RABL3: variants seen among roughly 807,000 people sequenced by gnomAD.
RABL3 encodes the protein rab-like protein 3.
In RABL3, 31 loss-of-function variants were observed where a neutral mutation model predicts 31.8. The observed-to-expected ratio is 0.97, with a 90% CI of 0.73 to 1.31. The LOEUF (loss-of-function observed/expected upper bound fraction) is 1.31, where lower values mean the gene tolerates loss of function less well. Ranked by LOEUF, RABL3 falls within the 40% of genes most tolerant of loss-of-function variation. RABL3 has a pLI of 0.00. For missense variants in RABL3, 263 were observed against 279.6 expected (o/e 0.94, Z 0.42); for synonymous variants, 97 against 99.9 (o/e 0.97, Z 0.18).
intron 2 of RABL3, among the ~76,000 whole-genome samples, chr3:120,712,351 T>G (rs1234146530): frequency 6.6e-6 from 1 of 152,152 alleles, no homozygotes; most frequent in African/African-American, 2.4e-5. Context: ...TTTTGTTATA[T>G]GGCAAAAATA....
chr3:120,728,605 T>TGACG lies in RABL3; in HGVS notation c.138+2087_138+2090dup, dbSNP rs1244315109. Among the ~76,000 whole-genome samples, 10 of 152,166 alleles carry TGACG rather than the reference T, an allele frequency of 6.6e-5. No homozygotes were observed. The South Asian group carries it at 1.5e-3, about 22-fold the overall frequency. On this transcript the variant is annotated intron_variant, in intron 2 of 7. Transcript: ENST00000273375. ...ATTAGGAGATATACCTAATGCTAAA[T>TGACG]GACGAGTTAATGGGTGCAGCACACT...
intron 1 of RABL3, among the ~76,000 whole-genome samples, chr3:120,736,448 A>C (rs541335265): frequency 1.8e-4 from 27 of 152,232 alleles, no homozygotes; most frequent in Admixed American, 9.2e-4. Flanking sequence ...TCTGTACATG[A>C]GCTGGGTCTC....
chr3:120,694,106 C>CA, intron 6 of RABL3, 47 bp downstream of exon 6: 2 of 1,282,886 alleles, frequency 1.6e-6, no homozygotes, highest in Non-Finnish European at 2.2e-6. Context: ...TTTAAACTCT[C>CA]ATAATATATA....
chr3:120,722,449 T>C (rs1708756801), intron 2 of RABL3: 2 of 152,196 alleles, frequency 1.3e-5, no homozygotes, highest in African/African-American at 2.4e-5. Flanking sequence ...TTAAGTCCCA[T>C]ATATCTTAAT....
chr3:120,699,815 G>A (rs1708475768), intron 4 of RABL3, among the ~76,000 whole-genome samples: 1 of 152,054 alleles, frequency 6.6e-6, no homozygotes, highest in South Asian at 2.1e-4. Flanking sequence ...TTGCATCAAA[G>A]CCAATAATAG....
chr3:120,703,792 T>C (rs560129111), intron 4 of RABL3, among the ~76,000 whole-genome samples: 2 of 152,146 alleles, frequency 1.3e-5, no homozygotes, highest in South Asian at 2.1e-4. Flanking sequence ...TCTATTGATA[T>C]ACATTAAAAA....
intron 2 of RABL3, among the ~76,000 whole-genome samples, chr3:120,714,655 T>C (rs1193149634): frequency 6.6e-6 from 1 of 152,228 alleles, no homozygotes. Context: ...CTGCCACAAA[T>C]ATTCCATTGC....
chr3:120,693,452 C>G (rs1187213497), intron 6 of RABL3, among the ~76,000 whole-genome samples: 3 of 152,148 alleles, frequency 2.0e-5, no homozygotes, highest in Non-Finnish European at 4.4e-5. Context: ...CAGGAATTAA[C>G]CTTTTTCAAT....
At chr3:120,712,170 T>TTA (rs1361726463) in intron 2 of RABL3, among the ~76,000 whole-genome samples, 1 of 152,074 alleles carries the variant, frequency 6.6e-6, no homozygotes, top group African/African-American at 2.4e-5. Flanking sequence ...AAGGAAAAAT[T>TTA]TAAATAAATA....
At position 120,736,995 on chromosome 3, in the gene RABL3, T is replaced by C. The variant is rs189592252; in HGVS notation, c.46+5467A>G. On this transcript the variant is annotated intron_variant, in intron 1 of 7. Coordinates refer to ENST00000273375, the MANE Select transcript of RABL3 (RefSeq NM_173825.5). ...TTTCAACTTTGGTGAATCTGACAATTACATGTCTTGGAGTTGCTCCTCTTG... is the reference window on the plus strand; with the variant it reads ...TTTCAACTTTGGTGAATCTGACAATCACATGTCTTGGAGTTGCTCCTCTTG... Among the ~76,000 whole-genome samples, 151 of 152,344 alleles carry C rather than the reference T, an allele frequency of 9.9e-4. 2 individuals carry two copies. The highest frequency in any genetic ancestry group is 1.5e-3 in the Admixed American group (23 of 15,304).
intron 1 of RABL3, among the ~76,000 whole-genome samples, chr3:120,742,202 G>A (rs1047198351): frequency 6.7e-6 from 1 of 149,580 alleles, no homozygotes; most frequent in Non-Finnish European, 1.5e-5. Context: ...TACACTCTAG[G>A]CTGGGGTCGC....
chr3:120,695,229 T>C (rs1214827746), intron 5 of RABL3, among the ~76,000 whole-genome samples: 2 of 152,086 alleles, frequency 1.3e-5, no homozygotes, highest in Admixed American at 6.5e-5. Context: ...ATATGCAACA[T>C]TTCAAGGCTC....
intron 6 of RABL3, among the ~76,000 whole-genome samples, chr3:120,692,576 G>A (rs1047650267): frequency 1.3e-5 from 2 of 152,146 alleles, no homozygotes; most frequent in Non-Finnish European, 2.9e-5. Context: ...CAGCTCCTTT[G>A]GTTTCAGGCA....
Position 120,685,673 on chromosome 3 carries a change from G to C in RABL3, c.*4150C>G, listed in dbSNP as rs1228694914. Among the ~76,000 whole-genome samples the C allele has an allele frequency of 6.6e-6, 1 of 152,166 alleles. No individual in the cohort carries two copies. Among genetic ancestry groups the C allele is most frequent in the Non-Finnish European group, 1.5e-5 (1 of 68,030 alleles). On this transcript the variant is annotated 3_prime_UTR_variant, in exon 8 of 8. Transcript: ENST00000273375. ...GATCAGTTCATTAAGGTGAGATCAG[G>C]TTGAGGCAGTCAAAGATGCGCTTTG...
At chr3:120,716,270 A>T (rs1708667155) in intron 2 of RABL3, among the ~76,000 whole-genome samples, 1 of 152,240 alleles carries the variant, frequency 6.6e-6, no homozygotes. Context: ...ATTTACTCCC[A>T]TTAGACTTGG....
intron 4 of RABL3, among the ~76,000 whole-genome samples, chr3:120,702,732 T>C (rs1226167081): frequency 2.6e-5 from 4 of 152,008 alleles, no homozygotes; most frequent in Admixed American, 6.6e-5. Context: ...TAATCTTTTG[T>C]ATTTTTAGTA....
intron 1 of RABL3, among the ~76,000 whole-genome samples, chr3:120,733,875 G>T (rs1358676312): frequency 2.6e-5 from 4 of 151,710 alleles, no homozygotes; most frequent in African/African-American, 9.7e-5. Context: ...TAGATGTGTA[G>T]ATGTGTAGGG....
intron 2 of RABL3, among the ~76,000 whole-genome samples, chr3:120,725,076 T>C (rs529192328): frequency 7.0e-6 from 1 of 143,696 alleles, no homozygotes; most frequent in African/African-American, 2.6e-5. Flanking sequence ...ATATCCAGAA[T>C]CTACAATGAA....
At chr3:120,729,824 T>C (rs1013701973) in intron 2 of RABL3, among the ~76,000 whole-genome samples, 3 of 152,014 alleles carry the variant, frequency 2.0e-5, no homozygotes, top group Non-Finnish European at 2.9e-5. Context: ...GAGGAAGGGA[T>C]AGAAGAAATG....
Sources: gnomAD v4.1 joint callset for allele counts (sites outside exome capture counted in the v4.1 genomes callset) on GRCh38, gnomAD v4.1.1 for gene constraint, MANE v1.5 for transcripts, NCBI Gene and HGNC (gene_info 2026-07-23, HGNC 2026-07-21) for gene names.